RGS6: variants seen among roughly 807,000 people sequenced by gnomAD.
RGS6 encodes regulator of G protein signaling 6, also known as regulator of G-protein signaling 6.
RGS6 carries 30 observed loss-of-function variants against 78.5 expected under a neutral mutation model. The observed-to-expected ratio is 0.38, with a 90% CI of 0.29 to 0.52. The LOEUF (loss-of-function observed/expected upper bound fraction) is 0.52. RGS6 is among the 20% of genes least tolerant of loss of function. The probability of loss-of-function intolerance (pLI) is 0.85; values close to 1 mark genes in which losing one functional copy is unlikely to be tolerated. For synonymous variants in RGS6, 206 were observed against 206.0 expected, an observed-to-expected ratio of 1.00 and a Z score of 0.00; for missense variants, 495 against 609.7, an observed-to-expected ratio of 0.81 and a Z score of 1.98.
At chr14:71,872,885 T>C in the RGS6 span, among the ~76,000 whole-genome samples, 1 of 152,188 alleles carries the variant, frequency 6.6e-6, no homozygotes, top group Non-Finnish European at 1.5e-5. Context: ...AGTGAGAACA[T>C]GCGGTGTTTG....
chr14:72,183,510 A>G (rs1421039125), intron 2 of RGS6, among the ~76,000 whole-genome samples: 2 of 152,236 alleles, frequency 1.3e-5, no homozygotes, highest in African/African-American at 4.8e-5. Context: ...TGGTTTGATC[A>G]TTGACTCACT....
intron 3 of RGS6, among the ~76,000 whole-genome samples, chr14:72,410,026 A>G (rs1300861627): frequency 5.3e-5 from 8 of 152,168 alleles, no homozygotes; most frequent in African/African-American, 1.2e-4. Flanking sequence ...ATAAACATAC[A>G]TGTGCATGTG....
At chr14:72,252,404 A>G (rs1041891892) in intron 2 of RGS6, among the ~76,000 whole-genome samples, 3 of 152,348 alleles carry the variant, frequency 2.0e-5, no homozygotes, top group Non-Finnish European at 1.5e-5. Flanking sequence ...TCAGGGAGAC[A>G]TACAGATTAA....
chr14:72,474,200 C>A (rs2096170857), intron 9 of RGS6: 1 of 153,662 alleles, frequency 6.5e-6, no homozygotes. Flanking sequence ...TAAAACAAAT[C>A]TTGCATTTTC....
intron 15 of RGS6, among the ~76,000 whole-genome samples, chr14:72,532,475 G>A (rs2097194890): frequency 6.6e-6 from 1 of 152,152 alleles, no homozygotes; most frequent in Admixed American, 6.5e-5. Flanking sequence ...TAAGTGTTCA[G>A]GCAAAAGGAA....
downstream of RGS6, among the ~76,000 whole-genome samples, chr14:72,571,352 C>G (rs371125640): frequency 6.6e-6 from 1 of 152,142 alleles, no homozygotes; most frequent in Non-Finnish European, 1.5e-5. Flanking sequence ...CTTCCACTGA[C>G]GCCACACCCA....
intron 2 of RGS6, among the ~76,000 whole-genome samples, chr14:72,254,386 C>A (rs955395921): frequency 5.9e-5 from 9 of 152,140 alleles, no homozygotes; most frequent in Non-Finnish European, 1.2e-4. Flanking sequence ...TGGGGCCACG[C>A]CTCTTGTGCG....
chr14:71,900,341 G>T, the RGS6 span, among the ~76,000 whole-genome samples: 2 of 151,954 alleles, frequency 1.3e-5, no homozygotes, highest in Non-Finnish European at 1.5e-5. Flanking sequence ...GTTATATTTG[G>T]CCATGAGCTA....
At chr14:72,389,626 G>A (rs941835373) in intron 3 of RGS6, among the ~76,000 whole-genome samples, 9 of 152,162 alleles carry the variant, frequency 5.9e-5, no homozygotes, top group African/African-American at 1.7e-4. Flanking sequence ...GGGAATATTT[G>A]GAAACTAATC....
intron 12 of RGS6, among the ~76,000 whole-genome samples, chr14:72,481,425 C>A (rs1051682442): frequency 2.6e-5 from 4 of 152,166 alleles, no homozygotes; most frequent in Non-Finnish European, 5.9e-5. Context: ...CCCTCTGTCT[C>A]CCCCCAGTCT....
chr14:72,066,563 G>A (rs1034647954), intron 2 of RGS6, among the ~76,000 whole-genome samples: 3 of 148,304 alleles, frequency 2.0e-5, no homozygotes, highest in Non-Finnish European at 4.4e-5. Flanking sequence ...TCAAAGAGTG[G>A]CATCTCCAAG....
chr14:72,104,387 TTA>T (rs2095590258), intron 2 of RGS6, among the ~76,000 whole-genome samples: 1 of 152,370 alleles, frequency 6.6e-6, no homozygotes, highest in Admixed American at 6.5e-5. Context: ...TATATTTTTA[TTA>T]TGTTACTTAA....
chr14:72,144,612 T>C (rs568257032), intron 2 of RGS6, among the ~76,000 whole-genome samples: 1 of 152,318 alleles, frequency 6.6e-6, no homozygotes, highest in South Asian at 2.1e-4. Flanking sequence ...AGAGAAGAAA[T>C]GGTTCATCCA....
At chr14:72,032,067 T>C (rs2090986629) in intron 2 of RGS6, among the ~76,000 whole-genome samples, 1 of 152,154 alleles carries the variant, frequency 6.6e-6, no homozygotes, top group African/African-American at 2.4e-5. Context: ...TATGTCTACT[T>C]TGTAGCACTT....
At chr14:72,231,782 A>G (rs377155913) in intron 2 of RGS6, among the ~76,000 whole-genome samples, 2 of 151,916 alleles carry the variant, frequency 1.3e-5, no homozygotes, top group East Asian at 3.9e-4. Context: ...GAGAAAGAAC[A>G]TGGTGTGTGC....
At chr14:72,097,315 A>G (rs1015830793) in intron 2 of RGS6, among the ~76,000 whole-genome samples, 1 of 152,228 alleles carries the variant, frequency 6.6e-6, no homozygotes, top group African/African-American at 2.4e-5. Flanking sequence ...AGAATGCTCC[A>G]TTCCAAAATA....
rs547102023 is a variant in RGS6, at chr14:71,999,642, G to A, written c.84+34767G>A. On this transcript the variant is annotated intron_variant, in intron 2 of 17. Coordinates refer to ENST00000553525, the MANE Select transcript of RGS6 (RefSeq NM_001204424.2). ...GATCCTTCATGAATGGTTTAGCACC[G>A]TCCCCTTGGTGCTATCCCCGCAATA... 1.2e-4 allele frequency among the ~76,000 whole-genome samples: 12 copies of A among 101,984 alleles called. No homozygotes were observed. In the South Asian group the frequency reaches 1.7e-3, roughly 14 times the overall value. 66.9% of individuals were successfully genotyped at this position (101,984 alleles called of 152,430 possible).
downstream of RGS6, among the ~76,000 whole-genome samples, chr14:72,570,720 T>G (rs2097719285): frequency 1.3e-5 from 2 of 152,288 alleles, no homozygotes; most frequent in South Asian, 4.1e-4. Flanking sequence ...TAGAGTGAGA[T>G]AGCCATGAAA....
intron 2 of RGS6, among the ~76,000 whole-genome samples, chr14:72,182,743 T>C (rs550879780): frequency 6.6e-6 from 1 of 152,282 alleles, no homozygotes; most frequent in South Asian, 2.1e-4. Context: ...CAGCAGCAAG[T>C]TTCTAGTAGG....
Sources: allele counts gnomAD v4.1 joint callset (sites outside exome capture counted in the v4.1 genomes callset), GRCh38; gene constraint gnomAD v4.1.1; transcripts MANE v1.5; gene names NCBI Gene and HGNC (gene_info 2026-07-23, HGNC 2026-07-21).